Variants in LRP1B observed in about 807,000 individuals in gnomAD.
LRP1B encodes LDL receptor related protein 1B, also known as low-density lipoprotein receptor-related protein 1B.
A neutral mutation model predicts 556.6 loss-of-function variants in LRP1B; 217 were observed. That is an observed-to-expected ratio of 0.39 (90% CI 0.35 to 0.44). LRP1B has a LOEUF of 0.44. LRP1B is among the 20% of genes least tolerant of loss of function. The pLI, the probability that LRP1B is intolerant of heterozygous loss-of-function variation, is 1.00. For synonymous variants in LRP1B, 2,047 were observed against 1,865.8 expected (o/e 1.10, Z -2.50); for missense variants, 5,053 against 5,620.8 (o/e 0.90, Z 3.23).
chr2:141,551,317 G>A (rs768512380), intron 2 of LRP1B, among the ~76,000 whole-genome samples: 9 of 151,526 alleles, frequency 5.9e-5, no homozygotes, highest in Non-Finnish European at 1.2e-4. Context: ...AATAGTCCAA[G>A]GTTATTCATT....
At chr2:140,364,270 GATTTT>G (rs1179260899) in intron 72 of LRP1B, among the ~76,000 whole-genome samples, 6 of 151,570 alleles carry the variant, frequency 4.0e-5, no homozygotes, top group Non-Finnish European at 8.9e-5. Context: ...GAAACTATGA[GATTTT>G]ATTATTTATA....
At chr2:140,842,686 C>T (rs1366504163) in intron 29 of LRP1B, among the ~76,000 whole-genome samples, 1 of 151,990 alleles carries the variant, frequency 6.6e-6, no homozygotes, top group Non-Finnish European at 1.5e-5. Flanking sequence ...ATTTCCCTCA[C>T]TCAGAATCTT....
Position 140,950,303 on chromosome 2 carries a change from C to T in LRP1B, c.3068G>A (p.Trp1023Ter), listed in dbSNP as rs1695675385. Residue 1023 changes from tryptophan (W) to a stop codon, truncating the protein, a stop_gained, in exon 20 of 91, where the codon TGG becomes TAG. Coordinates refer to ENST00000389484, the MANE Select transcript of LRP1B (RefSeq NM_018557.3). LOFTEE classifies it high-confidence loss of function. Reference protein sequence around the residue: ...CSSGRCIPGHWACDGDNDCGD... With the variant: ...CSSGRCIPGH ...ACAGTCATTGTCACCATCACAGGCC[C>T]AGTGGCCTGGGATGCATCTGCCACT... is the stretch of plus-strand genomic sequence containing the variant. 1 of 1,612,038 alleles carries T rather than the reference C, an allele frequency of 6.2e-7. No individual in the cohort carries two copies. Among genetic ancestry groups the T allele is most frequent in the African/African-American group, 1.3e-5 (1 of 74,824 alleles).
At chr2:141,807,674 T>C (rs1479749090) in intron 2 of LRP1B, among the ~76,000 whole-genome samples, 1 of 152,084 alleles carries the variant, frequency 6.6e-6, no homozygotes, top group African/African-American at 2.4e-5. Flanking sequence ...CAATTTCCAA[T>C]TTGAGGCCTC....
chr2:140,879,819 A>G (rs1573835431), intron 25 of LRP1B, among the ~76,000 whole-genome samples: 2 of 151,996 alleles, frequency 1.3e-5, no homozygotes, highest in South Asian at 4.1e-4. Context: ...CAGTTCCTCC[A>G]TTCATGGATT....
chr2:141,067,880 G>A (rs1699521893), intron 7 of LRP1B, among the ~76,000 whole-genome samples: 1 of 151,860 alleles, frequency 6.6e-6, no homozygotes. Context: ...AAGAAATACT[G>A]GAGCCTGCAT....
At chr2:142,043,133 A>G (rs1304559144) in intron 1 of LRP1B, among the ~76,000 whole-genome samples, 2 of 151,576 alleles carry the variant, frequency 1.3e-5, no homozygotes, top group African/African-American at 2.4e-5. Flanking sequence ...GATGCCCACT[A>G]TTCTGGGTTA....
intron 7 of LRP1B, among the ~76,000 whole-genome samples, chr2:141,100,206 T>C (rs1700424607): frequency 6.6e-6 from 1 of 152,184 alleles, no homozygotes; most frequent in African/African-American, 2.4e-5. Context: ...GTACTAACAC[T>C]TCTGAGTTCA....
intron 3 of LRP1B, among the ~76,000 whole-genome samples, chr2:141,355,387 A>C (rs1413275912): frequency 6.6e-6 from 1 of 152,078 alleles, no homozygotes; most frequent in African/African-American, 2.4e-5. Flanking sequence ...AAAGTTGTAC[A>C]GCCATCACCA....
chr2:141,205,688 C>CA (rs11376632), intron 6 of LRP1B, among the ~76,000 whole-genome samples: 120,554 of 152,008 alleles, frequency 0.79, 48,652 homozygotes, highest in Non-Finnish European at 0.86. Context: ...ATCAAATACT[C>CA]AAGCTGTAAA....
chr2:140,689,068 A>C (rs1686148511), intron 41 of LRP1B, among the ~76,000 whole-genome samples: 1 of 152,236 alleles, frequency 6.6e-6, no homozygotes, highest in African/African-American at 2.4e-5. Flanking sequence ...ATTAAAATAA[A>C]ACATATTTAA....
At chr2:141,463,291 ATTG>A (rs1313298485) in intron 3 of LRP1B, among the ~76,000 whole-genome samples, 2 of 151,998 alleles carry the variant, frequency 1.3e-5, no homozygotes, top group African/African-American at 2.4e-5. Context: ...ATAGCAAAGA[ATTG>A]TTGTAATTTT....
chr2:140,635,542 T>C (rs1433341411), intron 41 of LRP1B, among the ~76,000 whole-genome samples: 2 of 152,034 alleles, frequency 1.3e-5, no homozygotes, highest in African/African-American at 2.4e-5. Flanking sequence ...GTGACTGTAA[T>C]GACTTTGGAG....
chr2:141,019,366 G>C (rs1404457950), intron 12 of LRP1B, among the ~76,000 whole-genome samples: 4 of 152,012 alleles, frequency 2.6e-5, no homozygotes, highest in Non-Finnish European at 5.9e-5. Context: ...CAGGCTTCCT[G>C]GGAATAAATG....
At chr2:141,500,639 T>G (rs747598082) in intron 2 of LRP1B, among the ~76,000 whole-genome samples, 7 of 152,114 alleles carry the variant, frequency 4.6e-5, no homozygotes, top group Non-Finnish European at 7.4e-5. Context: ...TTATGGCAAA[T>G]TAAAGTATAT....
intron 2 of LRP1B, among the ~76,000 whole-genome samples, chr2:141,572,602 G>A (rs1686570714): frequency 6.6e-6 from 1 of 152,044 alleles, no homozygotes; most frequent in African/African-American, 2.4e-5. Flanking sequence ...AAATATAAAT[G>A]GCTAAATACT....
intron 2 of LRP1B, among the ~76,000 whole-genome samples, chr2:141,750,973 C>T (rs1430281678): frequency 4.0e-5 from 6 of 151,860 alleles, no homozygotes; most frequent in African/African-American, 1.5e-4. Context: ...GGAATTATTA[C>T]ATTTTAGTAT....
At chr2:140,650,356 T>C (rs1048976977) in intron 41 of LRP1B, among the ~76,000 whole-genome samples, 5 of 138,728 alleles carry the variant, frequency 3.6e-5, no homozygotes, top group African/African-American at 1.5e-4. Context: ...TTTATTTATT[T>C]ATTTATTTTT....
intron 84 of LRP1B, among the ~76,000 whole-genome samples, chr2:140,284,384 C>T (rs965303633): frequency 3.9e-5 from 5 of 126,810 alleles, no homozygotes; most frequent in African/African-American, 1.5e-4. Flanking sequence ...TGGAGAAATG[C>T]ATGGTGGATA....
Sources: allele counts gnomAD v4.1 joint callset (sites outside exome capture counted in the v4.1 genomes callset), GRCh38; gene constraint gnomAD v4.1.1; transcripts MANE v1.5; gene names NCBI Gene and HGNC (gene_info 2026-07-23, HGNC 2026-07-21).